Variants in DNAH11 observed in about 807,000 individuals in gnomAD.
The protein encoded by DNAH11 is axonemal beta dynein heavy chain 11.
DNAH11 carries 442 observed loss-of-function variants against 526.0 expected under a neutral mutation model. The observed-to-expected ratio is 0.84, with a 90% CI of 0.78 to 0.91. The LOEUF is 0.91. Ranked by LOEUF, DNAH11 falls within the 40% of genes least tolerant of loss-of-function variation. DNAH11 has a pLI of 0.00. For synonymous variants in DNAH11, 2,461 were observed against 1,935.9 expected (o/e 1.27, Z -7.12); for missense variants, 6,989 against 5,448.7 (o/e 1.28, Z -8.90).
At chr7:21,637,250 C>A (rs1786908806) in intron 26 of DNAH11, among the ~76,000 whole-genome samples, 2 of 151,922 alleles carry the variant, frequency 1.3e-5, no homozygotes, top group Admixed American at 6.6e-5. Flanking sequence ...CCTCTGCCCC[C>A]ACCTCCTCCT....
intron 76 of DNAH11, among the ~76,000 whole-genome samples, chr7:21,885,414 C>G (rs899662082): frequency 6.6e-6 from 1 of 151,566 alleles, no homozygotes; most frequent in African/African-American, 2.4e-5. Flanking sequence ...AAAAGCTGAT[C>G]TCCTATAAAT....
chr7:21,744,709 A>G (rs950572908), intron 50 of DNAH11, 110 bp downstream of exon 50: 21 of 1,451,952 alleles, frequency 1.4e-5, no homozygotes, highest in African/African-American at 4.3e-5. Flanking sequence ...CCTTTTTGCA[A>G]TGGCTGTGAA....
At chr7:21,741,206 T>C (rs1343463125) in intron 48 of DNAH11, among the ~76,000 whole-genome samples, 1 of 152,220 alleles carries the variant, frequency 6.6e-6, no homozygotes, top group East Asian at 1.9e-4. Context: ...GTGTAGCCTT[T>C]CCAAATAGGC....
intron 65 of DNAH11, among the ~76,000 whole-genome samples, chr7:21,830,993 A>G (rs1790528492): frequency 6.6e-6 from 1 of 152,220 alleles, no homozygotes; most frequent in Non-Finnish European, 1.5e-5. Context: ...AGAGGGATGT[A>G]TAAAAATCCT....
chr7:21,559,838 C>T (rs762496532), intron 4 of DNAH11, 46 bp downstream of exon 4: 15 of 1,469,536 alleles, frequency 1.0e-5, no homozygotes, highest in Middle Eastern at 1.7e-4. Flanking sequence ...AGCAAAGTGT[C>T]CTGAGCTGCA....
At chr7:21,863,068 AAAAAAAAAAAAG>A (rs1314235644) in intron 69 of DNAH11, among the ~76,000 whole-genome samples, 4 of 144,672 alleles carry the variant, frequency 2.8e-5, no homozygotes, top group Non-Finnish European at 1.5e-5. Flanking sequence ...CGTCTCAAAA[AAAAAAAAAAAAG>A]AAAAAGAAAA....
At chr7:21,786,892 A>C in intron 59 of DNAH11, 125 bp downstream of exon 59, 1 of 1,367,440 alleles carries the variant, frequency 7.3e-7, no homozygotes, top group Admixed American at 1.9e-5. Flanking sequence ...TGCTGAATGT[A>C]ATCTACTGTA....
chr7:21,899,460 C>T lies in DNAH11; in HGVS notation c.13162+12C>T, dbSNP rs191638909. The T allele has an allele frequency of 8.0e-5, 128 of 1,596,410 alleles. 1 individual carries two copies. Among genetic ancestry groups the T allele is most frequent in the African/African-American group, 4.4e-4 (33 of 74,664 alleles). On this transcript the variant is annotated intron_variant, in intron 80 of 81. Coordinates refer to ENST00000409508, the MANE Select transcript of DNAH11 (RefSeq NM_001277115.2). ...GTCCTTCTTAACTGGTAAGGGCTGA[C>T]GCAGTGCAGCCCCTGATGCACACAG...
intron 53 of DNAH11, 37 bp from the exon 54 acceptor site, chr7:21,750,185 A>G (rs764109767): frequency 7.2e-6 from 11 of 1,537,666 alleles, no homozygotes; most frequent in South Asian, 1.3e-5. Flanking sequence ...TTAAATTGCA[A>G]TGATCTTTTA....
chr7:21,824,765 C>G (rs936624769), intron 65 of DNAH11, among the ~76,000 whole-genome samples: 6 of 152,128 alleles, frequency 3.9e-5, no homozygotes, highest in Non-Finnish European at 5.9e-5. Flanking sequence ...TATAAAAATA[C>G]CATTATGGTG....
At position 21,604,279 on chromosome 7, in the gene DNAH11, C is replaced by T. The variant is rs971500735; in HGVS notation, c.3649-2147C>T. Among the ~76,000 whole-genome samples the T allele has an allele frequency of 3.3e-5, 5 of 152,278 alleles. No individual in the cohort carries two copies. The South Asian group carries it at 8.3e-4, about 25-fold the overall frequency. On this transcript the variant is annotated intron_variant, in intron 18 of 81. Coordinates refer to ENST00000409508, the MANE Select transcript of DNAH11 (RefSeq NM_001277115.2). ...GGAGCATCTCTTCAGTCTTTTGCCT[C>T]TTTTCACTGCTGTTAACACCCACTT...
chr7:21,833,667 C>G (rs886233224), intron 65 of DNAH11, among the ~76,000 whole-genome samples: 1 of 151,880 alleles, frequency 6.6e-6, no homozygotes. Flanking sequence ...TGCTCTCCAG[C>G]CTGGGCAACA....
At chr7:21,682,112 T>A (rs961523037) in intron 31 of DNAH11, among the ~76,000 whole-genome samples, 2 of 152,224 alleles carry the variant, frequency 1.3e-5, no homozygotes, top group African/African-American at 4.8e-5. Context: ...GAGGTGTTGG[T>A]CATAATTCTA....
intron 65 of DNAH11, among the ~76,000 whole-genome samples, chr7:21,841,283 T>C (rs963423989): frequency 5.3e-5 from 8 of 152,154 alleles, no homozygotes; most frequent in Non-Finnish European, 1.0e-4. Context: ...ATTAAATACA[T>C]ACTTAAGATG....
At chr7:21,643,563 G>T (rs1274327356) in intron 28 of DNAH11, among the ~76,000 whole-genome samples, 1 of 152,216 alleles carries the variant, frequency 6.6e-6, no homozygotes, top group Non-Finnish European at 1.5e-5. Flanking sequence ...CACTTGAAAT[G>T]TGGCAGCTAA....
chr7:21,613,455 T>C (rs1785622703), intron 20 of DNAH11, among the ~76,000 whole-genome samples: 1 of 152,186 alleles, frequency 6.6e-6, no homozygotes, highest in African/African-American at 2.4e-5. Flanking sequence ...ATAAAATGTT[T>C]CATAATAAAA....
chr7:21,864,138 G>A (rs936382228), intron 69 of DNAH11, among the ~76,000 whole-genome samples: 1 of 152,094 alleles, frequency 6.6e-6, no homozygotes, highest in African/African-American at 2.4e-5. Flanking sequence ...TACTATACCA[G>A]AATTAACTAA....
At chr7:21,614,480 A>T (rs1046007507) in intron 20 of DNAH11, among the ~76,000 whole-genome samples, 1 of 152,230 alleles carries the variant, frequency 6.6e-6, no homozygotes, top group Non-Finnish European at 1.5e-5. Context: ...TTAATTAAAG[A>T]TGAAAATTAA....
At chr7:21,727,863 CA>C (rs1485140071) in intron 45 of DNAH11, among the ~76,000 whole-genome samples, 1 of 152,182 alleles carries the variant, frequency 6.6e-6, no homozygotes, top group Non-Finnish European at 1.5e-5. Flanking sequence ...AAGATGGAGA[CA>C]CTGAGGGGTT....
Sources: gnomAD v4.1 joint callset for allele counts (sites outside exome capture counted in the v4.1 genomes callset) on GRCh38, gnomAD v4.1.1 for gene constraint, MANE v1.5 for transcripts, NCBI Gene and HGNC (gene_info 2026-07-23, HGNC 2026-07-21) for gene names.